NECTIN3: variants seen among roughly 807,000 people sequenced by gnomAD.
NECTIN3 encodes the protein nectin-3.
In NECTIN3, 8 loss-of-function variants were observed where a neutral mutation model predicts 49.4. That is an observed-to-expected ratio of 0.16 (90% CI 0.10 to 0.29). NECTIN3 has a LOEUF of 0.29. Among genes scored for constraint, NECTIN3 ranks in the 10% least tolerant of loss-of-function variants. The pLI is 1.00. For missense variants in NECTIN3, 581 were observed against 654.6 expected, an observed-to-expected ratio of 0.89 and a Z score of 1.23; for synonymous variants, 277 against 241.1, an observed-to-expected ratio of 1.15 and a Z score of -1.38.
intron 7 of NECTIN3, among the ~76,000 whole-genome samples, chr3:111,172,996 C>A (rs988230260): frequency 1.3e-5 from 2 of 152,124 alleles, no homozygotes. Context: ...ATTTTTTCCT[C>A]CAAGCAACTT....
chr3:111,137,583 C>G (rs1397424334), downstream of NECTIN3: 1 of 765,310 alleles, frequency 1.3e-6, no homozygotes, highest in South Asian at 6.0e-5. Context: ...AAGTTCATTG[C>G]TCTATGTTAC....
At chr3:111,087,846 C>T (rs773245445) in intron 1 of NECTIN3, among the ~76,000 whole-genome samples, 17 of 151,750 alleles carry the variant, frequency 1.1e-4, no homozygotes, top group African/African-American at 3.6e-4. Context: ...TACAGGCGCC[C>T]GCTACCACGC....
At chr3:111,160,085 A>G (rs2035179351) in intron 7 of NECTIN3, among the ~76,000 whole-genome samples, 1 of 152,140 alleles carries the variant, frequency 6.6e-6, no homozygotes, top group South Asian at 2.1e-4. Context: ...TTGAACTCTA[A>G]TATTCCTTAT....
chr3:111,105,171 C>A (rs2033121820), intron 1 of NECTIN3, among the ~76,000 whole-genome samples: 1 of 137,180 alleles, frequency 7.3e-6, no homozygotes, highest in African/African-American at 2.7e-5. Flanking sequence ...GAGACAGGGT[C>A]TTGCTCTGTC....
intron 7 of NECTIN3, among the ~76,000 whole-genome samples, chr3:111,181,890 T>C (rs1318985100): frequency 6.6e-6 from 1 of 152,010 alleles, no homozygotes; most frequent in African/African-American, 2.4e-5. Context: ...CACTCTTTTT[T>C]TCTACTTCCT....
chr3:111,159,666 T>C (rs1235312752), intron 7 of NECTIN3, among the ~76,000 whole-genome samples: 2 of 152,172 alleles, frequency 1.3e-5, no homozygotes, highest in African/African-American at 4.8e-5. Flanking sequence ...TCCTCCAACA[T>C]CATTCCTAAA....
intron 1 of NECTIN3, among the ~76,000 whole-genome samples, chr3:111,086,875 A>C (rs563955279): frequency 6.6e-6 from 1 of 152,152 alleles, no homozygotes; most frequent in Admixed American, 6.5e-5. Flanking sequence ...TTATCTATTT[A>C]TTGAGGTTTT....
chr3:111,106,316 A>C (rs2033180205), intron 1 of NECTIN3, among the ~76,000 whole-genome samples: 1 of 152,174 alleles, frequency 6.6e-6, no homozygotes, highest in African/African-American at 2.4e-5. Context: ...TGGTTTTCTC[A>C]ACCAGTTTTT....
At chr3:111,094,073 CA>C (rs1030855817) in intron 1 of NECTIN3, among the ~76,000 whole-genome samples, 1 of 151,688 alleles carries the variant, frequency 6.6e-6, no homozygotes, top group Non-Finnish European at 1.5e-5. Context: ...AAGGAAAAGA[CA>C]AAAACAAACT....
intron 7 of NECTIN3, among the ~76,000 whole-genome samples, chr3:111,172,760 T>C (rs781554261): frequency 1.3e-5 from 2 of 152,116 alleles, no homozygotes; most frequent in Non-Finnish European, 2.9e-5. Flanking sequence ...TTACCATGCA[T>C]ATTGGAGGCC....
upstream of NECTIN3, among the ~76,000 whole-genome samples, chr3:111,189,750 T>A (rs1216222085): frequency 6.6e-6 from 1 of 152,168 alleles, no homozygotes; most frequent in East Asian, 1.9e-4. Flanking sequence ...CTGGGCCCCA[T>A]GTTCAAAAAT....
chr3:111,160,864 G>C (rs1329313198), intron 7 of NECTIN3, among the ~76,000 whole-genome samples: 1 of 152,076 alleles, frequency 6.6e-6, no homozygotes, highest in Non-Finnish European at 1.5e-5. Context: ...AAACTTAGCC[G>C]GGTGTGTTGG....
intron 4 of NECTIN3, among the ~76,000 whole-genome samples, chr3:111,124,045 A>G (rs980101330): frequency 2.0e-5 from 3 of 152,028 alleles, no homozygotes; most frequent in Non-Finnish European, 4.4e-5. Context: ...GTGGGATTTT[A>G]TGGGAGTTAG....
chr3:111,157,460 G>T (rs57417964), intron 7 of NECTIN3, among the ~76,000 whole-genome samples: 41,468 of 151,798 alleles, frequency 0.27, 11,258 homozygotes, highest in African/African-American at 0.7. Flanking sequence ...CTACATAGTT[G>T]GTCTGTTTTT....
rs2034579753 is a variant in NECTIN3 at position 111,136,486 on chromosome 3, G to C, written c.*2271G>C. ...AAAGGTTTCTGTGTTGTAAGAATCT[G>C]ATACTAGTGCTTAAGACTTTGGGAA... On this transcript the variant is annotated 3_prime_UTR_variant, in exon 6 of 6. Coordinates refer to ENST00000485303, the MANE Select transcript of NECTIN3 (RefSeq NM_015480.3). The C allele has an allele frequency of 1.0e-6, 1 of 983,624 alleles. No homozygotes were observed. The highest frequency in any genetic ancestry group is 1.2e-6 in the Non-Finnish European group (1 of 828,536). The allele number at this position is 983,624 out of a possible 1,614,324, so 60.9% of individuals were successfully genotyped here. A position where few individuals can be genotyped will look rare whatever the true frequency, so the allele number is the denominator to read the frequency against.
chr3:111,164,616 C>T (rs1044998971), intron 7 of NECTIN3, among the ~76,000 whole-genome samples: 20 of 152,190 alleles, frequency 1.3e-4, no homozygotes, highest in African/African-American at 4.6e-4. Context: ...AAATCTTTTC[C>T]ATGCCTCTCT....
chr3:111,094,127 T>A (rs920794007), intron 1 of NECTIN3, among the ~76,000 whole-genome samples: 2 of 151,904 alleles, frequency 1.3e-5, no homozygotes, highest in Admixed American at 6.6e-5. Context: ...ATTTTATATA[T>A]ATTGACTTAT....
At chr3:111,176,804 T>C (rs2035537880) in intron 7 of NECTIN3, among the ~76,000 whole-genome samples, 1 of 152,156 alleles carries the variant, frequency 6.6e-6, no homozygotes, top group Non-Finnish European at 1.5e-5. Flanking sequence ...GGTAAATGGA[T>C]AGAGACCCTT....
At chr3:111,166,988 C>T (rs140028432) in intron 7 of NECTIN3, among the ~76,000 whole-genome samples, 362 of 152,170 alleles carry the variant, frequency 2.4e-3, no homozygotes, top group African/African-American at 8.3e-3. Flanking sequence ...AGGTGATTCA[C>T]CCATTTGAGC....
Sources: gnomAD v4.1 joint callset for allele counts (sites outside exome capture counted in the v4.1 genomes callset) on GRCh38, gnomAD v4.1.1 for gene constraint, MANE v1.5 for transcripts, NCBI Gene and HGNC (gene_info 2026-07-23, HGNC 2026-07-21) for gene names.